FHIT: variants seen among roughly 807,000 people sequenced by gnomAD.
FHIT encodes bis(5'-adenosyl)-triphosphatase.
FHIT carries 19 observed loss-of-function variants against 17.9 expected under a neutral mutation model. The ratio of observed to expected loss-of-function variants is 1.06; its 90% CI spans 0.74 to 1.56. The LOEUF (loss-of-function observed/expected upper bound fraction) is 1.56. Among genes scored for constraint, FHIT ranks in the 40% most tolerant of loss-of-function variants. The pLI, the probability that FHIT is intolerant of heterozygous loss-of-function variation, is 0.00. For synonymous variants in FHIT, 81 were observed against 69.7 expected (o/e 1.16, Z -0.81); for missense variants, 248 against 189.2 (o/e 1.31, Z -1.82).
intron 5 of FHIT, among the ~76,000 whole-genome samples, chr3:60,210,872 C>T (rs977008338): frequency 6.6e-6 from 1 of 151,916 alleles, no homozygotes; most frequent in Non-Finnish European, 1.5e-5. Flanking sequence ...ATGTATTTAT[C>T]CTTTGACACA....
intron 5 of FHIT, among the ~76,000 whole-genome samples, chr3:60,522,211 A>T (rs2035399040): frequency 6.6e-6 from 1 of 150,736 alleles, no homozygotes. Context: ...CCTGAGTTCA[A>T]GCAATTATCG....
chr3:60,259,897 T>C (rs1240227544), intron 5 of FHIT, among the ~76,000 whole-genome samples: 3 of 151,870 alleles, frequency 2.0e-5, no homozygotes, highest in African/African-American at 7.3e-5. Context: ...ACCCTGGCAA[T>C]GGGATGACAA....
intron 7 of FHIT, among the ~76,000 whole-genome samples, chr3:59,972,000 T>C (rs1055747395): frequency 4.6e-5 from 7 of 152,170 alleles, no homozygotes; most frequent in Non-Finnish European, 8.8e-5. Context: ...TGTGCAGACA[T>C]GCCTTGCTCC....
chr3:60,549,225 T>C (rs919719704), intron 4 of FHIT, among the ~76,000 whole-genome samples: 2 of 152,156 alleles, frequency 1.3e-5, no homozygotes, highest in African/African-American at 4.8e-5. Context: ...ACAAATAAAA[T>C]CATGTATTTG....
At chr3:60,196,428 C>G (rs1052479142) in intron 5 of FHIT, among the ~76,000 whole-genome samples, 1 of 152,124 alleles carries the variant, frequency 6.6e-6, no homozygotes, top group African/African-American at 2.4e-5. Context: ...CGCTTGCCTC[C>G]CTCTTTCATT....
intron 4 of FHIT, among the ~76,000 whole-genome samples, chr3:60,778,736 T>C (rs1015921925): frequency 9.2e-5 from 14 of 152,352 alleles, no homozygotes; most frequent in Non-Finnish European, 1.8e-4. Flanking sequence ...AGAATCCATT[T>C]TTCTTTTGCA....
Position 61,247,804 on chromosome 3 carries a change from T to C in FHIT, c.-213+3497A>G, listed in dbSNP as rs191114026. On this transcript the variant is annotated intron_variant, in intron 1 of 9. Transcript: ENST00000492590. ...AGAGCTATTATATTTATCTATTGAC[T>C]GCAAGCTGTTAAGAGCCTGACAACA... Among the ~76,000 whole-genome samples the C allele has an allele frequency of 1.7e-3, 255 of 152,364 alleles. 2 individuals carry two copies. Among genetic ancestry groups the C allele is most frequent in the African/African-American group, 5.7e-3 (238 of 41,590 alleles).
At chr3:60,055,845 C>T (rs190717107) in intron 5 of FHIT, among the ~76,000 whole-genome samples, 72 of 152,296 alleles carry the variant, frequency 4.7e-4, no homozygotes, top group African/African-American at 1.7e-3. Flanking sequence ...CCCACTCCCA[C>T]GCAACACAAA....
chr3:60,882,566 T>C (rs11922368), intron 3 of FHIT, among the ~76,000 whole-genome samples: 94,059 of 152,090 alleles, frequency 0.62, 32,028 homozygotes, highest in East Asian at 1. Context: ...GTTCAACATA[T>C]GCTAATCAAT....
chr3:60,526,876 G>C (rs2035595696), intron 5 of FHIT, among the ~76,000 whole-genome samples: 1 of 152,152 alleles, frequency 6.6e-6, no homozygotes, highest in South Asian at 2.1e-4. Flanking sequence ...TGACTTTTGA[G>C]GCAGTGGGAG....
chr3:60,156,349 C>CA (rs531763537), intron 5 of FHIT, among the ~76,000 whole-genome samples: 1,981 of 106,230 alleles, frequency 0.019, 16 homozygotes, highest in African/African-American at 0.033. Flanking sequence ...GACTCTGTCT[C>CA]AAAAAAAAAA....
At chr3:59,931,863 C>T (rs1002118537) in intron 7 of FHIT, among the ~76,000 whole-genome samples, 4 of 151,952 alleles carry the variant, frequency 2.6e-5, no homozygotes, top group African/African-American at 9.7e-5. Context: ...ATCATCTAAG[C>T]ACCATGGCTT....
At chr3:60,351,387 C>A (rs1440169679) in intron 5 of FHIT, among the ~76,000 whole-genome samples, 1 of 152,108 alleles carries the variant, frequency 6.6e-6, no homozygotes, top group East Asian at 1.9e-4. Context: ...AGTTGATGGG[C>A]ATAGTGGAAA....
chr3:60,416,640 G>A (rs1427351012), intron 5 of FHIT, among the ~76,000 whole-genome samples: 1 of 152,076 alleles, frequency 6.6e-6, no homozygotes, highest in African/African-American at 2.4e-5. Flanking sequence ...ACTTAAAAAT[G>A]TAAAAACATT....
chr3:61,022,262 TGG>T (rs2032485862), intron 3 of FHIT, among the ~76,000 whole-genome samples: 1 of 152,212 alleles, frequency 6.6e-6, no homozygotes, highest in Non-Finnish European at 1.5e-5. Context: ...GATAAATTCC[TGG>T]ACACATACAC....
chr3:60,690,251 T>C, intron 4 of FHIT: 1 of 540,194 alleles, frequency 1.9e-6, no homozygotes, highest in South Asian at 1.4e-5. Flanking sequence ...TCAGCAATAG[T>C]GACCTTCTTG....
At position 60,292,273 on chromosome 3, in the gene FHIT, T is replaced by C. The variant is rs1039311347; in HGVS notation, c.103+244587A>G. ...TAAAAAGTCTTTTTTTAAGCAAGGCTGTTGTGAGACGCTTCGAAATAGTTG... is the reference window on the plus strand; with the variant it reads ...TAAAAAGTCTTTTTTTAAGCAAGGCCGTTGTGAGACGCTTCGAAATAGTTG... On this transcript the variant is annotated intron_variant, in intron 5 of 9. Transcript: ENST00000492590. 3.9e-5 allele frequency among the ~76,000 whole-genome samples: 6 copies of C among 152,290 alleles called. No individual in the cohort carries two copies. In the East Asian group the frequency reaches 1.2e-3, roughly 29 times the overall value.
intron 5 of FHIT, among the ~76,000 whole-genome samples, chr3:60,535,424 A>G (rs940700468): frequency 1.3e-5 from 2 of 152,220 alleles, no homozygotes; most frequent in African/African-American, 4.8e-5. Flanking sequence ...ACCTGAATTT[A>G]CAGACATTTT....
At chr3:60,512,353 AATT>A (rs2107545958) in intron 5 of FHIT, among the ~76,000 whole-genome samples, 1 of 152,330 alleles carries the variant, frequency 6.6e-6, no homozygotes, top group South Asian at 2.1e-4. Context: ...TCTAAGTGCC[AATT>A]AAGCAACCTG....
Sources: allele counts gnomAD v4.1 joint callset (sites outside exome capture counted in the v4.1 genomes callset), GRCh38; gene constraint gnomAD v4.1.1; transcripts MANE v1.5; gene names NCBI Gene and HGNC (gene_info 2026-07-23, HGNC 2026-07-21).